Variants in UAP1 observed in about 807,000 individuals in gnomAD.
UAP1 encodes the protein UDP-N-acetylglucosamine pyrophosphorylase 1.
UAP1 carries 25 observed loss-of-function variants against 58.5 expected under a neutral mutation model. The observed-to-expected ratio is 0.43, with a 90% confidence interval of 0.31 to 0.60. The LOEUF is 0.60. UAP1 is among the 20% of genes least tolerant of loss of function. The probability of loss-of-function intolerance (pLI) is 0.11; values close to 1 mark genes in which losing one functional copy is unlikely to be tolerated. For synonymous variants in UAP1, 208 were observed against 213.0 expected (o/e 0.98, Z 0.21); for missense variants, 575 against 630.0 (o/e 0.91, Z 0.93).
At chr1:162,576,092 G>T (rs944381016) in intron 2 of UAP1, among the ~76,000 whole-genome samples, 10 of 152,188 alleles carry the variant, frequency 6.6e-5, no homozygotes, top group African/African-American at 1.9e-4. Flanking sequence ...AGCGCATTCT[G>T]TTGAGTTGGG....
At chr1:162,581,125 A>AT (rs979487226) in intron 4 of UAP1, among the ~76,000 whole-genome samples, 162 bp from the exon 5 acceptor site, 71 of 152,138 alleles carry the variant, frequency 4.7e-4, no homozygotes, top group Non-Finnish European at 7.6e-4. Context: ...CTATAGTTCA[A>AT]TTTTTTTGAC....
At chr1:162,587,018 A>T (rs1654938429) in intron 5 of UAP1, among the ~76,000 whole-genome samples, 1 of 152,202 alleles carries the variant, frequency 6.6e-6, no homozygotes, top group South Asian at 2.1e-4. Context: ...CAAATGAAAT[A>T]TCGGGCAATA....
At chr1:162,593,313 G>A (rs1655432039) in intron 9 of UAP1, 1 of 152,744 alleles carries the variant, frequency 6.5e-6, no homozygotes, top group Non-Finnish European at 1.5e-5. Flanking sequence ...TGCTTCTAAA[G>A]AATCTTTTTA....
At chr1:162,578,895 A>G (rs1557971242) in intron 3 of UAP1, among the ~76,000 whole-genome samples, 1 of 152,200 alleles carries the variant, frequency 6.6e-6, no homozygotes, top group South Asian at 2.1e-4. Context: ...ACAGTCACTA[A>G]TTATAGTTTT....
intron 8 of UAP1, among the ~76,000 whole-genome samples, chr1:162,591,206 T>C (rs1655291359): frequency 2.0e-5 from 3 of 152,112 alleles, no homozygotes; most frequent in Non-Finnish European, 4.4e-5. Context: ...ATTACAGGTG[T>C]GAGCCACTGG....
Position 162,587,696 on chromosome 1 carries a change from AT to A in UAP1, c.1028+30del. On this transcript the variant is annotated intron_variant, in intron 6 of 10. Coordinates refer to ENST00000271469, the Ensembl canonical transcript of UAP1. ...ATGGGCAAGATGGGGGCCTTTTAAA[AT>A]TATATTTATTGTTAATCAGAAACTA... 3 of 1,591,328 alleles carry A rather than the reference AT, an allele frequency of 1.9e-6. No homozygotes were observed. In the South Asian group the frequency reaches 3.4e-5, roughly 18 times the overall value.
At chr1:162,568,775 A>G (rs145701863) in intron 2 of UAP1, among the ~76,000 whole-genome samples, 175 of 152,330 alleles carry the variant, frequency 1.1e-3, no homozygotes, top group Middle Eastern at 3.4e-3. Context: ...CCAGTTGCCT[A>G]TATTTTTCCT....
At chr1:162,563,426 G>A (rs756686407) in intron 1 of UAP1, among the ~76,000 whole-genome samples, 1 of 151,766 alleles carries the variant, frequency 6.6e-6, no homozygotes, top group Non-Finnish European at 1.5e-5. Context: ...GTTCAGTGGC[G>A]TGATGTCGGC....
intron 2 of UAP1, among the ~76,000 whole-genome samples, chr1:162,576,275 C>T (rs373722130): frequency 2.0e-5 from 3 of 152,074 alleles, no homozygotes; most frequent in African/African-American, 7.2e-5. Context: ...CATCCCGAAA[C>T]TTTGGTATTT....
At chr1:162,579,969 A>T (rs929580756) in intron 4 of UAP1, among the ~76,000 whole-genome samples, 1 of 152,112 alleles carries the variant, frequency 6.6e-6, no homozygotes, top group Non-Finnish European at 1.5e-5. Context: ...GGTTCAAGTG[A>T]TTCTCCTGCC....
At position 162,589,583 on chromosome 1, in the gene UAP1, T is replaced by C. The variant is rs548518535; in HGVS notation, c.1170-740T>C. Among the ~76,000 whole-genome samples the C allele has an allele frequency of 4.6e-5, 7 of 152,198 alleles. No homozygotes were observed. The East Asian group carries it at 1.4e-3, about 29-fold the overall frequency. ...CTGTGAATAGATGTTTCAGTAAACA[T>C]GTTTTTAGATTATATAGCTCTCTAT... On this transcript the variant is annotated intron_variant, in intron 7 of 10. Coordinates refer to ENST00000271469, the Ensembl canonical transcript of UAP1.
intron 2 of UAP1, among the ~76,000 whole-genome samples, chr1:162,573,378 C>T (rs1175683356): frequency 2.6e-5 from 4 of 151,984 alleles, no homozygotes; most frequent in South Asian, 2.1e-4. Context: ...TGACCCTGGG[C>T]GAGACTCTTA....
intron 9 of UAP1, among the ~76,000 whole-genome samples, chr1:162,596,001 G>A (rs911034652): frequency 2.0e-5 from 3 of 151,480 alleles, no homozygotes; most frequent in African/African-American, 4.9e-5. Flanking sequence ...ACAGATGCTC[G>A]CCTCCAAGCC....
chr1:162,589,152 TATATTATATATAATATATAA>T lies in UAP1; in HGVS notation c.1169+339_1169+358del, dbSNP rs1476952617. ...ATATAATTTATATATTTATATAATA[TATATTATATATAATATATAA>T]ATATTATATATAATATATATTATAT... On this transcript the variant is annotated intron_variant, in intron 7 of 10. Transcript: ENST00000271469. 3.9e-4 allele frequency among the ~76,000 whole-genome samples: 36 copies of T among 92,514 alleles called. No individual in the cohort carries two copies. In the East Asian group the frequency reaches 8.8e-3, roughly 23 times the overall value. 60.7% of individuals were successfully genotyped at this position (92,514 alleles called of 152,430 possible). A position where few individuals can be genotyped will look rare whatever the true frequency, so the allele number is the denominator to read the frequency against.
At chr1:162,574,358 G>A (rs192221500) in intron 2 of UAP1, among the ~76,000 whole-genome samples, 66 of 152,240 alleles carry the variant, frequency 4.3e-4, no homozygotes, top group African/African-American at 1.5e-3. Flanking sequence ...CTTCCAAAGT[G>A]TTGAGATTAC....
chr1:162,576,002 G>A (rs755555794), intron 2 of UAP1, among the ~76,000 whole-genome samples: 6 of 152,100 alleles, frequency 3.9e-5, no homozygotes, highest in Non-Finnish European at 7.4e-5. Context: ...GTATACTCAC[G>A]TAGCTACCAT....
At chr1:162,566,517 C>T (rs1163284630) in intron 2 of UAP1, among the ~76,000 whole-genome samples, 169 bp downstream of exon 2, 2 of 152,138 alleles carry the variant, frequency 1.3e-5, no homozygotes, top group Non-Finnish European at 2.9e-5. Flanking sequence ...TTTAAGGCTT[C>T]TCTCATTCAA....
At chr1:162,589,509 TAA>T (rs1376423892) in intron 7 of UAP1, among the ~76,000 whole-genome samples, 1 of 151,228 alleles carries the variant, frequency 6.6e-6, no homozygotes, top group Non-Finnish European at 1.5e-5. Flanking sequence ...CTGAAAAGGT[TAA>T]GATAAAGAGT....
chr1:162,580,748 A>G (rs530444347), intron 4 of UAP1, among the ~76,000 whole-genome samples: 1 of 152,374 alleles, frequency 6.6e-6, no homozygotes, highest in East Asian at 1.9e-4. Context: ...GACAAAGTAC[A>G]TTAAAGCAGC....
Sources: gnomAD v4.1 joint callset for allele counts (sites outside exome capture counted in the v4.1 genomes callset) on GRCh38, gnomAD v4.1.1 for gene constraint, MANE v1.5 for transcripts, NCBI Gene and HGNC (gene_info 2026-07-23, HGNC 2026-07-21) for gene names.